The following OXCT1 variants were observed in gnomAD, a reference collection of about 807,000 sequenced individuals.
OXCT1 encodes 3-oxoacid CoA-transferase 1.
A neutral mutation model predicts 69.6 loss-of-function variants in OXCT1; 27 were observed. The ratio of observed to expected loss-of-function variants is 0.39; its 90% CI spans 0.29 to 0.54. OXCT1 has a LOEUF of 0.54. OXCT1 is among the 20% of genes least tolerant of loss of function. The probability of loss-of-function intolerance (pLI) is 0.72; values close to 1 mark genes in which losing one functional copy is unlikely to be tolerated. For synonymous variants in OXCT1, 202 were observed against 217.8 expected (o/e 0.93, Z 0.64); for missense variants, 437 against 650.2 (o/e 0.67, Z 3.57).
chr5:41,849,615 A>G (rs1366834164), intron 5 of OXCT1, among the ~76,000 whole-genome samples: 2 of 152,202 alleles, frequency 1.3e-5, no homozygotes, highest in Non-Finnish European at 2.9e-5. Flanking sequence ...TTTCAGACAA[A>G]CATATTATTT....
intron 2 of OXCT1, among the ~76,000 whole-genome samples, chr5:41,862,115 G>A (rs958785248): frequency 7.9e-5 from 12 of 152,170 alleles, no homozygotes; most frequent in African/African-American, 2.7e-4. Context: ...GGAGGCTAAG[G>A]CAGGAGAATG....
intron 1 of OXCT1, chr5:41,869,980 GCCAA>G: frequency 4.6e-6 from 2 of 435,200 alleles, no homozygotes; most frequent in Non-Finnish European, 8.6e-6. Context: ...GCCGACGAGC[GCCAA>G]AGGGCTCGGG....
At chr5:41,798,616 A>G (rs1165767046) in intron 11 of OXCT1, among the ~76,000 whole-genome samples, 2 of 152,238 alleles carry the variant, frequency 1.3e-5, no homozygotes, top group Admixed American at 6.5e-5. Flanking sequence ...AAACATGGTT[A>G]TTCTTTCTAA....
chr5:41,746,526 G>A (rs1263218477), intron 15 of OXCT1, among the ~76,000 whole-genome samples: 13 of 152,052 alleles, frequency 8.5e-5, no homozygotes, highest in South Asian at 2.1e-4. Flanking sequence ...AGAGCATAGC[G>A]ATAAACACAC....
At chr5:41,765,848 G>A (rs1359759296) in intron 13 of OXCT1, among the ~76,000 whole-genome samples, 1 of 152,058 alleles carries the variant, frequency 6.6e-6, no homozygotes, top group Non-Finnish European at 1.5e-5. Flanking sequence ...AGCTGAACAG[G>A]GGAATATAGA....
intron 3 of OXCT1, among the ~76,000 whole-genome samples, chr5:41,859,504 G>A (rs1352817278): frequency 6.6e-6 from 1 of 152,134 alleles, no homozygotes; most frequent in Non-Finnish European, 1.5e-5. Flanking sequence ...ATTGGGTTGA[G>A]TATTAGCCAT....
chr5:41,805,751 A>G lies in OXCT1; in HGVS notation c.841-70T>C, dbSNP rs2112273725. On this transcript the variant is annotated intron_variant, in intron 8 of 16. Coordinates refer to ENST00000196371, the MANE Select transcript of OXCT1 (RefSeq NM_000436.4). ...TTGTATTTTATCACTGCTGAAATAAATTTTACTGGAAAAAAAGATGAGCTC... is the reference window on the plus strand; with the variant it reads ...TTGTATTTTATCACTGCTGAAATAAGTTTTACTGGAAAAAAAGATGAGCTC... 5 of 1,002,164 alleles carry G rather than the reference A, an allele frequency of 5.0e-6. No individual in the cohort carries two copies. The South Asian group carries it at 6.4e-5, about 13-fold the overall frequency. The allele number at this position is 1,002,164 out of a possible 1,614,324, so 62.1% of individuals were successfully genotyped here.
intron 4 of OXCT1, among the ~76,000 whole-genome samples, chr5:41,852,019 G>A (rs147878604): frequency 2.0e-5 from 3 of 152,216 alleles, no homozygotes; most frequent in East Asian, 3.9e-4. Flanking sequence ...GTTCCTACAA[G>A]AAGAGACACC....
chr5:41,769,689 C>T (rs941669618), intron 13 of OXCT1, among the ~76,000 whole-genome samples: 7 of 152,014 alleles, frequency 4.6e-5, no homozygotes, highest in African/African-American at 1.7e-4. Flanking sequence ...CCACTGGACT[C>T]CAACCTGGTC....
chr5:41,792,520 T>A (rs774072631), intron 13 of OXCT1, among the ~76,000 whole-genome samples: 1 of 152,214 alleles, frequency 6.6e-6, no homozygotes, highest in Non-Finnish European at 1.5e-5. Context: ...GTCACTCTAC[T>A]ACCCCGTATG....
At chr5:41,835,002 GAAGAA>G (rs961368477) in intron 7 of OXCT1, among the ~76,000 whole-genome samples, 1 of 149,374 alleles carries the variant, frequency 6.7e-6, no homozygotes, top group African/African-American at 2.5e-5. Context: ...AATTTGAAAT[GAAGAA>G]AATACAAAAG....
chr5:41,840,615 T>C (rs1748582326), intron 6 of OXCT1, 104 bp from the exon 7 acceptor site: 5 of 691,178 alleles, frequency 7.2e-6, no homozygotes, highest in Non-Finnish European at 1.3e-5. Flanking sequence ...GAACTAAGAA[T>C]CTAAGAATCT....
intron 7 of OXCT1, among the ~76,000 whole-genome samples, chr5:41,812,533 A>C (rs930600109): frequency 6.6e-6 from 1 of 152,024 alleles, no homozygotes; most frequent in Non-Finnish European, 1.5e-5. Context: ...AAGAGACCTT[A>C]AGAGGTCTAT....
At chr5:41,807,222 A>G in intron 8 of OXCT1, 109 bp downstream of exon 8, 4 of 722,498 alleles carry the variant, frequency 5.5e-6, no homozygotes, top group Non-Finnish European at 1.0e-5. Flanking sequence ...AAGATCCAAG[A>G]CCAGACTTTC....
chr5:41,770,500 A>G (rs1744828357), intron 13 of OXCT1, among the ~76,000 whole-genome samples: 1 of 152,136 alleles, frequency 6.6e-6, no homozygotes, highest in African/African-American at 2.4e-5. Flanking sequence ...TTTATAAGAC[A>G]CCCAAGGAAA....
At chr5:41,807,282 T>C (rs774713900) in intron 8 of OXCT1, 49 bp downstream of exon 8, 2 of 998,680 alleles carry the variant, frequency 2.0e-6, no homozygotes, top group Admixed American at 1.7e-5. Flanking sequence ...GGATGCACTA[T>C]CTCTGTAACT....
chr5:41,819,329 C>T (rs752678231), intron 7 of OXCT1, among the ~76,000 whole-genome samples: 2 of 146,638 alleles, frequency 1.4e-5, no homozygotes, highest in Non-Finnish European at 3.0e-5. Flanking sequence ...ATTCTAAAAC[C>T]ATTAATATGC....
chr5:41,845,778 T>C (rs2112423215), intron 5 of OXCT1, among the ~76,000 whole-genome samples: 1 of 152,282 alleles, frequency 6.6e-6, no homozygotes, highest in East Asian at 1.9e-4. Flanking sequence ...CCGGGAACTT[T>C]ATGAGATACT....
chr5:41,755,758 T>C (rs1438492248), intron 14 of OXCT1, among the ~76,000 whole-genome samples: 3 of 152,120 alleles, frequency 2.0e-5, no homozygotes, highest in African/African-American at 4.8e-5. Flanking sequence ...AATGAAAAGA[T>C]ACTTGACTAT....
Sources: allele counts gnomAD v4.1 joint callset (sites outside exome capture counted in the v4.1 genomes callset), GRCh38; gene constraint gnomAD v4.1.1; transcripts MANE v1.5; gene names NCBI Gene and HGNC (gene_info 2026-07-23, HGNC 2026-07-21).